RORB: variants seen among roughly 807,000 people sequenced by gnomAD.
RORB encodes nuclear receptor ROR-beta.
RORB carries 6 observed loss-of-function variants against 59.1 expected under a neutral mutation model. The ratio of observed to expected loss-of-function variants is 0.10; its 90% CI spans 0.06 to 0.20. RORB has a LOEUF of 0.20. RORB is among the 10% of genes least tolerant of loss of function. RORB has a pLI of 1.00. For missense variants in RORB, 320 were observed against 560.5 expected (o/e 0.57, Z 4.33); for synonymous variants, 215 against 204.5 (o/e 1.05, Z -0.44).
In RORB at chr9:74,674,498, T is replaced by C. The variant is rs1043174444; in HGVS notation, c.1224+2597T>C. Among the ~76,000 whole-genome samples, 5 of 152,232 alleles carry C rather than the reference T, an allele frequency of 3.3e-5. No homozygotes were observed. The East Asian group carries it at 5.8e-4, about 18-fold the overall frequency. On this transcript the variant is annotated intron_variant, in intron 9 of 9. Transcript: ENST00000376896. ...GACCTGTTCAACTCTGAATAGGTGTTAACAGACATCAGGTTAGAGGTACAG... is the reference window on the plus strand; with the variant it reads ...GACCTGTTCAACTCTGAATAGGTGTCAACAGACATCAGGTTAGAGGTACAG...
At chr9:74,512,150 C>A (rs1762831210) in intron 1 of RORB, among the ~76,000 whole-genome samples, 1 of 152,126 alleles carries the variant, frequency 6.6e-6, no homozygotes, top group African/African-American at 2.4e-5. Flanking sequence ...GAGGAAAAAT[C>A]AGGATACTCA....
Position 74,566,839 on chromosome 9 carries a change from G to A in RORB, c.8-63443G>A, listed in dbSNP as rs1338825660. 2.6e-5 allele frequency among the ~76,000 whole-genome samples: 4 copies of A among 152,114 alleles called. No homozygotes were observed. The South Asian group carries it at 6.2e-4, about 24-fold the overall frequency. On this transcript the variant is annotated intron_variant, in intron 1 of 9. Transcript: ENST00000376896. ...AATAAAGAAGCAGGGTAAGATATAAGGCTGATAGCCCCAAATAAATCAGAG... is the reference window on the plus strand; with the variant it reads ...AATAAAGAAGCAGGGTAAGATATAAAGCTGATAGCCCCAAATAAATCAGAG...
At chr9:74,573,157 C>T (rs1822578594) in intron 1 of RORB, among the ~76,000 whole-genome samples, 1 of 152,138 alleles carries the variant, frequency 6.6e-6, no homozygotes, top group South Asian at 2.1e-4. Flanking sequence ...CACATCTTAA[C>T]TCCATGGACC....
intron 1 of RORB, among the ~76,000 whole-genome samples, chr9:74,504,805 A>G (rs1274394466): frequency 6.6e-6 from 1 of 152,108 alleles, no homozygotes; most frequent in Non-Finnish European, 1.5e-5. Flanking sequence ...GGATGCTTAA[A>G]GAAAACTGTT....
rs1823829486 is a variant in RORB at position 74,642,606 on chromosome 9, A to G, written c.428A>G (p.Asn143Ser). 6.2e-7 allele frequency: 1 copy of G among 1,614,124 alleles called. No homozygotes were observed. Among genetic ancestry groups the G allele is most frequent in the South Asian group, 1.1e-5 (1 of 91,082 alleles). Reference protein sequence around the residue: ...LNNETSGTYANGHVIDLPKSE... With the variant: ...LNNETSGTYASGHVIDLPKSE... ...AACGAGACCAGCGGCACTTATGCCA[A>G]CGGGCACGTCATTGACCTGCCCAAG... is the stretch of plus-strand genomic sequence containing the variant. Residue 143 changes from asparagine to serine, a missense_variant, in exon 4 of 10, where the codon AAC (asparagine) becomes AGC (serine). This residue lies in a region of RORB where 134 missense variants were observed against 156.2 expected (regional missense o/e 0.86). Transcript: ENST00000376896.
chr9:74,566,634 T>G (rs1822473863), intron 1 of RORB, among the ~76,000 whole-genome samples: 1 of 152,052 alleles, frequency 6.6e-6, no homozygotes, highest in Non-Finnish European at 1.5e-5. Flanking sequence ...CCGTCTCTAC[T>G]AAAAACACAA....
chr9:74,638,760 G>C (rs1823744906), intron 3 of RORB, among the ~76,000 whole-genome samples: 5 of 152,222 alleles, frequency 3.3e-5, no homozygotes, highest in African/African-American at 9.6e-5. Context: ...TCCCAAATTT[G>C]TCACCACTGT....
At chr9:74,668,225 G>C (rs1824297746) in intron 8 of RORB, among the ~76,000 whole-genome samples, 1 of 152,164 alleles carries the variant, frequency 6.6e-6, no homozygotes, top group African/African-American at 2.4e-5. Context: ...TAAGAATAAA[G>C]TACATAGAAA....
chr9:74,683,094 C>T (rs1207197071), intron 9 of RORB, among the ~76,000 whole-genome samples: 3 of 152,162 alleles, frequency 2.0e-5, no homozygotes, highest in Non-Finnish European at 4.4e-5. Context: ...TTTTAAGAAG[C>T]ACCCCAGCCA....
At chr9:74,648,352 G>C (rs900330724) in intron 4 of RORB, among the ~76,000 whole-genome samples, 1 of 152,146 alleles carries the variant, frequency 6.6e-6, no homozygotes, top group East Asian at 1.9e-4. Flanking sequence ...AATTAGTCCA[G>C]CTGTCTGAGA....
chr9:74,563,759 G>A (rs1047463253), intron 1 of RORB, among the ~76,000 whole-genome samples: 4 of 152,208 alleles, frequency 2.6e-5, no homozygotes, highest in African/African-American at 9.7e-5. Flanking sequence ...CTCTAGGGGA[G>A]GCTATTTCCA....
intron 1 of RORB, among the ~76,000 whole-genome samples, chr9:74,613,313 C>G (rs1003735357): frequency 2.0e-5 from 3 of 152,146 alleles, no homozygotes; most frequent in African/African-American, 4.8e-5. Context: ...AAGTGACAAC[C>G]AGATGTGTTA....
intron 1 of RORB, among the ~76,000 whole-genome samples, chr9:74,516,530 C>A (rs1308761819): frequency 6.6e-6 from 1 of 151,806 alleles, no homozygotes; most frequent in Admixed American, 6.6e-5. Flanking sequence ...ATGTTAGGGG[C>A]CTAGCGTTTG....
At chr9:74,565,874 A>T (rs1822461887) in intron 1 of RORB, among the ~76,000 whole-genome samples, 1 of 152,154 alleles carries the variant, frequency 6.6e-6, no homozygotes, top group Admixed American at 6.5e-5. Context: ...TGAATATCAG[A>T]ATTGCCTAAT....
intron 1 of RORB, among the ~76,000 whole-genome samples, chr9:74,524,222 A>G (rs1263639624): frequency 6.6e-6 from 1 of 151,736 alleles, no homozygotes; most frequent in African/African-American, 2.4e-5. Context: ...ATGGCAAGTG[A>G]AGAGAAGACT....
intron 1 of RORB, among the ~76,000 whole-genome samples, chr9:74,523,169 T>C (rs975632917): frequency 2.0e-5 from 3 of 151,854 alleles, no homozygotes; most frequent in African/African-American, 7.2e-5. Flanking sequence ...GTTTGTTTTC[T>C]GTCATTTCTC....
At chr9:74,661,108 A>G (rs1824172984) in intron 5 of RORB, among the ~76,000 whole-genome samples, 1 of 152,230 alleles carries the variant, frequency 6.6e-6, no homozygotes, top group Admixed American at 6.5e-5. Flanking sequence ...TAATCACAGC[A>G]GTTGTAATCG....
intron 4 of RORB, among the ~76,000 whole-genome samples, chr9:74,647,743 G>A (rs1823923688): frequency 6.6e-6 from 1 of 152,158 alleles, no homozygotes; most frequent in African/African-American, 2.4e-5. Context: ...TGGCCTAAAA[G>A]CGATCTAGTC....
chr9:74,585,658 T>C (rs1321413276), intron 1 of RORB, among the ~76,000 whole-genome samples: 2 of 152,248 alleles, frequency 1.3e-5, no homozygotes, highest in Non-Finnish European at 2.9e-5. Context: ...AACTAGTCCC[T>C]TTTTTCTCCG....
Sources: gnomAD v4.1 joint callset for allele counts (sites outside exome capture counted in the v4.1 genomes callset) on GRCh38, gnomAD v4.1.1 for gene constraint, gnomAD v4.1.1 regional missense constraint, MANE v1.5 for transcripts, NCBI Gene and HGNC (gene_info 2026-07-23, HGNC 2026-07-21) for gene names.